The following SYT14 variants were observed in gnomAD, a reference collection of about 807,000 sequenced individuals.
SYT14 encodes synaptotagmin-14.
A neutral mutation model predicts 74.2 loss-of-function variants in SYT14; 32 were observed. The observed-to-expected ratio is 0.43, with a 90% CI of 0.33 to 0.58. SYT14 has a LOEUF of 0.58. SYT14 is among the 20% of genes least tolerant of loss of function. The probability of loss-of-function intolerance (pLI) is 0.05; values close to 1 mark genes in which losing one functional copy is unlikely to be tolerated. For synonymous variants in SYT14, 298 were observed against 337.7 expected (o/e 0.88, Z 1.29); for missense variants, 791 against 981.8 (o/e 0.81, Z 2.60).
intron 5 of SYT14, among the ~76,000 whole-genome samples, chr1:210,033,013 A>G (rs2080576813): frequency 6.6e-6 from 1 of 151,836 alleles, no homozygotes; most frequent in South Asian, 2.1e-4. Flanking sequence ...CTGCTGTCGT[A>G]CAAACTAGAA....
intron 5 of SYT14, among the ~76,000 whole-genome samples, chr1:210,039,565 A>G (rs2080740643): frequency 6.6e-6 from 1 of 152,218 alleles, no homozygotes; most frequent in Non-Finnish European, 1.5e-5. Flanking sequence ...GCTTCTTCAC[A>G]GCAAAAGAAA....
intron 7 of SYT14, among the ~76,000 whole-genome samples, chr1:210,105,467 C>G (rs2082141921): frequency 6.6e-6 from 1 of 152,124 alleles, no homozygotes. Context: ...GCCTCTGTTG[C>G]CAATCCAAAA....
At chr1:209,975,421 T>C (rs1357541254) in intron 2 of SYT14, among the ~76,000 whole-genome samples, 3 of 152,244 alleles carry the variant, frequency 2.0e-5, no homozygotes, top group Non-Finnish European at 1.5e-5. Flanking sequence ...CATGAAGCTT[T>C]GTTGAATTTT....
chr1:209,970,071 T>C (rs906654156), intron 2 of SYT14, among the ~76,000 whole-genome samples: 1 of 152,190 alleles, frequency 6.6e-6, no homozygotes, highest in Non-Finnish European at 1.5e-5. Context: ...TTAGTTGATG[T>C]AGTCCCATTT....
rs941871460 is a variant in SYT14, at chr1:210,041,309, G to A, written c.1312+20055G>A. On this transcript the variant is annotated intron_variant, in intron 5 of 9. Transcript: ENST00000637265. ...GTGGTGTTCAGCAGGAGGGACTTAT[G>A]GTGGCTACTTGCTTGGGCACCAAAC... is the stretch of plus-strand genomic sequence containing the variant. Among the ~76,000 whole-genome samples, 12 of 152,146 alleles carry A rather than the reference G, an allele frequency of 7.9e-5. No individual in the cohort carries two copies. The South Asian group carries it at 1.5e-3, about 18-fold the overall frequency.
chr1:210,136,980 T>G (rs533716074), intron 7 of SYT14, among the ~76,000 whole-genome samples: 1 of 152,178 alleles, frequency 6.6e-6, no homozygotes, highest in African/African-American at 2.4e-5. Flanking sequence ...GATTAGCAGT[T>G]GAAACATTGC....
intron 7 of SYT14, among the ~76,000 whole-genome samples, chr1:210,135,896 A>G (rs545407716): frequency 1.2e-4 from 18 of 152,306 alleles, no homozygotes; most frequent in Non-Finnish European, 2.5e-4. Flanking sequence ...TGTTTTCTAC[A>G]CTTTGTTCAG....
At chr1:209,972,873 A>G (rs1462767989) in intron 2 of SYT14, among the ~76,000 whole-genome samples, 3 of 152,016 alleles carry the variant, frequency 2.0e-5, no homozygotes, top group East Asian at 1.9e-4. Flanking sequence ...CAGTTGGTCA[A>G]GTATCAAACT....
intron 7 of SYT14, among the ~76,000 whole-genome samples, chr1:210,153,131 G>A (rs1413695): frequency 0.74 from 111,815 of 151,904 alleles, 41,665 homozygotes; most frequent in East Asian, 0.87. Context: ...TATATGTAGG[G>A]GTGGAACTGC....
chr1:210,085,301 A>G (rs961704444), intron 5 of SYT14, among the ~76,000 whole-genome samples: 2 of 152,206 alleles, frequency 1.3e-5, no homozygotes, highest in Admixed American at 1.3e-4. Flanking sequence ...TGGGTTTTCT[A>G]CATCACAATC....
At chr1:210,114,223 C>A (rs1193422615) in intron 7 of SYT14, among the ~76,000 whole-genome samples, 1 of 151,346 alleles carries the variant, frequency 6.6e-6, no homozygotes, top group Non-Finnish European at 1.5e-5. Context: ...TAGGAGGAAT[C>A]CCGGGCTGCA....
intron 5 of SYT14, among the ~76,000 whole-genome samples, chr1:210,082,609 A>G (rs2081637351): frequency 6.6e-6 from 1 of 152,214 alleles, no homozygotes. Flanking sequence ...CCTGATAATT[A>G]TCATCCAATA....
intron 5 of SYT14, among the ~76,000 whole-genome samples, chr1:210,037,049 CT>C (rs1441240738): frequency 6.6e-6 from 1 of 151,898 alleles, no homozygotes; most frequent in African/African-American, 2.4e-5. Flanking sequence ...GTGAATTTAT[CT>C]GGTCCTGGGC....
chr1:209,956,070 C>T (rs188453343), intron 2 of SYT14, among the ~76,000 whole-genome samples: 138 of 152,192 alleles, frequency 9.1e-4, no homozygotes, highest in Non-Finnish European at 1.3e-3. Context: ...ATTGTAAGCA[C>T]CCATCTTAAC....
chr1:210,093,434 G>T (rs2081912790), intron 5 of SYT14, among the ~76,000 whole-genome samples: 1 of 150,932 alleles, frequency 6.6e-6, no homozygotes, highest in African/African-American at 2.4e-5. Context: ...AGACTTAGCT[G>T]TTCTTAAATT....
intron 2 of SYT14, among the ~76,000 whole-genome samples, chr1:209,989,109 AG>A (rs1344703286): frequency 6.6e-6 from 1 of 152,064 alleles, no homozygotes; most frequent in East Asian, 1.9e-4. Flanking sequence ...GCCCATCTTC[AG>A]TGTCTTGAGT....
intron 2 of SYT14, among the ~76,000 whole-genome samples, chr1:209,994,714 G>GA (rs1451090976): frequency 6.6e-5 from 10 of 152,060 alleles, no homozygotes; most frequent in Admixed American, 5.2e-4. Flanking sequence ...CAACATTAAA[G>GA]AAAAAATCTT....
At chr1:210,064,852 C>T (rs376452365) in intron 5 of SYT14, among the ~76,000 whole-genome samples, 9 of 152,144 alleles carry the variant, frequency 5.9e-5, no homozygotes, top group Admixed American at 3.9e-4. Flanking sequence ...CTGTTTTCTA[C>T]GATGGCTGAA....
chr1:209,942,942 TTTAC>T (rs1329895198), intron 1 of SYT14, among the ~76,000 whole-genome samples: 4 of 152,168 alleles, frequency 2.6e-5, no homozygotes, highest in Non-Finnish European at 4.4e-5. Context: ...ATATAGTGCA[TTTAC>T]TTCTATTAAT....
Sources: allele counts gnomAD v4.1 joint callset (sites outside exome capture counted in the v4.1 genomes callset), GRCh38; gene constraint gnomAD v4.1.1; transcripts MANE v1.5; gene names NCBI Gene and HGNC (gene_info 2026-07-23, HGNC 2026-07-21).